Variants in KMT2A observed in about 807,000 individuals in gnomAD.
KMT2A encodes lysine methyltransferase 2A, also known as histone-lysine N-methyltransferase 2A.
KMT2A carries 16 observed loss-of-function variants against 345.3 expected under a neutral mutation model. The observed-to-expected ratio is 0.05, with a 90% CI of 0.03 to 0.07. The LOEUF (loss-of-function observed/expected upper bound fraction) is 0.07, where lower values mean the gene tolerates loss of function less well. KMT2A is among the 10% of genes least tolerant of loss of function. KMT2A has a pLI of 1.00. For synonymous variants in KMT2A, 1,599 were observed against 1,778.6 expected (o/e 0.90, Z 2.54); for missense variants, 3,272 against 4,841.6 (o/e 0.68, Z 9.62).
chr11:118,446,166 T>G (rs1288331248), intron 1 of KMT2A, among the ~76,000 whole-genome samples: 3 of 151,986 alleles, frequency 2.0e-5, no homozygotes, highest in Non-Finnish European at 4.4e-5. Flanking sequence ...CTGGCCAACA[T>G]GGTGGAACCC....
At chr11:118,454,932 A>G (rs1314590821) in intron 1 of KMT2A, among the ~76,000 whole-genome samples, 4 of 151,988 alleles carry the variant, frequency 2.6e-5, no homozygotes, top group African/African-American at 9.7e-5. Flanking sequence ...TCGGTAAACT[A>G]TTGCCTTAGA....
chr11:118,493,001 C>T lies in KMT2A; in HGVS notation c.5005-56C>T, dbSNP rs2134345326. Reference sequence around the variant, plus strand: ...TCTTTATTAATTTTAATAGAATTTACATGGACACCTTGGTTTTAGTGTTAG... The same window carrying T: ...TCTTTATTAATTTTAATAGAATTTATATGGACACCTTGGTTTTAGTGTTAG... On this transcript the variant is annotated intron_variant, in intron 15 of 35. Coordinates refer to ENST00000534358, the MANE Select transcript of KMT2A (RefSeq NM_001197104.2). The surrounding 1 kb of genome is among the most constrained non-coding windows in gnomAD (Gnocchi z 5.8). 7.3e-7 allele frequency: 1 copy of T among 1,366,166 alleles called. No individual in the cohort carries two copies. The highest frequency in any genetic ancestry group is 1.0e-6 in the Non-Finnish European group (1 of 972,754). The allele number at this position is 1,366,166 out of a possible 1,614,324, so 84.6% of individuals were successfully genotyped here.
chr11:118,482,302 C>T lies in KMT2A; in HGVS notation c.4013-120C>T, dbSNP rs181457789. 1,269 of 900,782 alleles carry T rather than the reference C, an allele frequency of 1.4e-3. 4 individuals carry two copies. Among genetic ancestry groups the T allele is most frequent in the Non-Finnish European group, 1.9e-3 (1,181 of 610,042 alleles). 55.8% of individuals were successfully genotyped at this position (900,782 alleles called of 1,614,324 possible). ...GGAGGTATTGTTTTAATTTCCTGTT[C>T]GAAGCCTAGAGTTTAAATAGTTTTT... On this transcript the variant is annotated intron_variant, in intron 7 of 35. Coordinates refer to ENST00000534358, the MANE Select transcript of KMT2A (RefSeq NM_001197104.2).
chr11:118,452,145 G>A (rs1279812844), intron 1 of KMT2A, among the ~76,000 whole-genome samples: 1 of 152,086 alleles, frequency 6.6e-6, no homozygotes. Context: ...GAGCTTAAGC[G>A]ATTCTACTCC....
chr11:118,509,894 C>A, intron 29 of KMT2A, 54 bp from the exon 30 acceptor site: 2 of 1,297,070 alleles, frequency 1.5e-6, no homozygotes, highest in South Asian at 2.7e-5. Flanking sequence ...TACATGTAGT[C>A]AGTGCTCAGT....
Position 118,491,444 on chromosome 11 carries a change from C to A in KMT2A, c.4819+126C>A. On this transcript the variant is annotated intron_variant, in intron 14 of 35. Transcript: ENST00000534358. The surrounding 1 kb of genome is among the most constrained non-coding windows in gnomAD (Gnocchi z 4.2). ...GAAATCTCTAAATTTATTTTTTAGT[C>A]TCTAGAATAAGCAGCATTGTATTAT... The A allele has an allele frequency of 1.1e-6, 1 of 930,636 alleles. No individual in the cohort carries two copies. The highest frequency in any genetic ancestry group is 1.6e-6 in the Non-Finnish European group (1 of 638,352). The allele number at this position is 930,636 out of a possible 1,614,324, so 57.6% of individuals were successfully genotyped here.
intron 6 of KMT2A, among the ~76,000 whole-genome samples, chr11:118,480,469 A>T (rs782087955): frequency 6.6e-6 from 1 of 152,162 alleles, no homozygotes; most frequent in Non-Finnish European, 1.5e-5. Flanking sequence ...TAAAAATCAT[A>T]GTTCATTATA....
intron 28 of KMT2A, among the ~76,000 whole-genome samples, chr11:118,508,398 T>G (rs1402691176): frequency 2.0e-5 from 3 of 152,018 alleles, no homozygotes; most frequent in African/African-American, 7.3e-5. Context: ...GAGTCCTCTA[T>G]TGATATACAT....
At chr11:118,500,505 A>G (rs1950483560) in intron 24 of KMT2A, among the ~76,000 whole-genome samples, 2 of 152,176 alleles carry the variant, frequency 1.3e-5, no homozygotes, top group African/African-American at 4.8e-5. Flanking sequence ...TTTAGCTGGC[A>G]GCTTTTCACA....
rs1949990470 is a variant in KMT2A at position 118,474,024 on chromosome 11, T to C, written c.2865T>C (p.Ala955=). ...ITSVTLGDTT[A]VKTKILIKKG... Reference sequence around the variant, plus strand: ...CTGTGACTCTTGGGGATACAACAGCTGTCAAAACCAAAATACTTATAAAGA... The same window carrying C: ...CTGTGACTCTTGGGGATACAACAGCCGTCAAAACCAAAATACTTATAAAGA... The change falls in exon 3 of 36, where the codon GCT becomes GCC. Residue 955 remains alanine, a synonymous_variant. Transcript: ENST00000534358. 3 of 1,613,754 alleles carry C rather than the reference T, an allele frequency of 1.9e-6. No individual in the cohort carries two copies. The East Asian group carries it at 6.7e-5, about 36-fold the overall frequency.
At position 118,520,324 on chromosome 11, in the gene KMT2A, G is replaced by C. The variant is rs1328487349; in HGVS notation, c.11429+260G>C. 2.1e-5 allele frequency: 10 copies of C among 468,310 alleles called. No homozygotes were observed. The highest frequency in any genetic ancestry group is 1.9e-4 in the Admixed American group (5 of 26,260). The allele number at this position is 468,310 out of a possible 1,614,324, so 29.0% of individuals were successfully genotyped here. A position where few individuals can be genotyped will look rare whatever the true frequency, so the allele number is the denominator to read the frequency against. ...TGTCAGCTTTGGTTGTACCACCATAGTTGTCATGGTCAGAAAGTACTATAT... is the reference window on the plus strand; with the variant it reads ...TGTCAGCTTTGGTTGTACCACCATACTTGTCATGGTCAGAAAGTACTATAT... On this transcript the variant is annotated intron_variant, in intron 33 of 35. Transcript: ENST00000534358. This position sits in a 1 kb window ranked among gnomAD's most constrained non-coding sequence, Gnocchi z 4.3.
chr11:118,502,570 T>C lies in KMT2A; in HGVS notation c.6678T>C (p.Asn2226=), dbSNP rs782177007. 3.1e-6 allele frequency: 5 copies of C among 1,614,178 alleles called. No homozygotes were observed. In the South Asian group the frequency reaches 4.4e-5, roughly 14 times the overall value. ...CTGGGAATACTTACTCTAGGAATAA[T>C]GTTTCCTCAGTCTCCACCACCGGGA... ...MRTGNTYSRN[N]VSSVSTTGTA... is the part of the protein sequence containing the mutation. Residue 2226 remains asparagine (N), a synonymous_variant, in exon 27 of 36, where the codon AAT becomes AAC. Coordinates refer to ENST00000534358, the MANE Select transcript of KMT2A (RefSeq NM_001197104.2). This position sits in a 1 kb window ranked among gnomAD's most constrained non-coding sequence, Gnocchi z 4.9.
At position 118,506,289 on chromosome 11, in the gene KMT2A, C is replaced by T. The variant is rs782673964; in HGVS notation, c.10397C>T (p.Thr3466Ile). 1 of 1,614,206 alleles carries T rather than the reference C, an allele frequency of 6.2e-7. No homozygotes were observed. Among genetic ancestry groups the T allele is most frequent in the Non-Finnish European group, 8.5e-7 (1 of 1,180,036 alleles). The change falls in exon 27 of 36, where the codon ACT (threonine) becomes ATT (isoleucine). Residue 3466 changes from threonine to isoleucine, a missense_variant. Coordinates refer to ENST00000534358, the MANE Select transcript of KMT2A (RefSeq NM_001197104.2). ...GTGAACCAGCTCCTTGCCAGCAAAA[C>T]TGGGATTCATTCTTCCCAGCGTGAT... ...QHVNQLLASK[T>I]GIHSSQRDLD...
rs150545040 is a variant in KMT2A, at chr11:118,446,218, G to A, written c.432+9274G>A. ...ACAATAATTAGCTACATGTCGTGGT[G>A]CACACCTGCAATCCCAGCTACTTGG... is the stretch of plus-strand genomic sequence containing the variant. On this transcript the variant is annotated intron_variant, in intron 1 of 35. Coordinates refer to ENST00000534358, the MANE Select transcript of KMT2A (RefSeq NM_001197104.2). Among the ~76,000 whole-genome samples, 9 of 152,054 alleles carry A rather than the reference G, an allele frequency of 5.9e-5. No homozygotes were observed. In the East Asian group the frequency reaches 1.6e-3, roughly 26 times the overall value.
intron 28 of KMT2A, 123 bp downstream of exon 28, chr11:118,507,732 A>C (rs1950610505): frequency 1.4e-6 from 1 of 709,532 alleles, no homozygotes; most frequent in Admixed American, 2.2e-5. Flanking sequence ...TGGGAGGCCG[A>C]GGCAGGTGGA....
chr11:118,493,246 G>T lies in KMT2A; in HGVS notation c.5178+16G>T, dbSNP rs782497834. The T allele has an allele frequency of 6.2e-7, 1 of 1,602,562 alleles. No homozygotes were observed. The highest frequency in any genetic ancestry group is 1.1e-5 in the South Asian group (1 of 89,018). On this transcript the variant is annotated intron_variant, in intron 16 of 35. Transcript: ENST00000534358. The surrounding 1 kb of genome is among the most constrained non-coding windows in gnomAD (Gnocchi z 5.8). ...CACATCTGTGGTATGTTTCTACAGT[G>T]AGCCATCAGAATTTCTAGTGCCAAT...
rs781945281 is a variant in KMT2A, at chr11:118,519,717, G to A, written c.11246G>A (p.Arg3749His). The A allele has an allele frequency of 1.5e-5, 24 of 1,613,964 alleles. No homozygotes were observed. The highest frequency in any genetic ancestry group is 1.6e-4 in the Middle Eastern group (1 of 6,082). Residue 3749 changes from arginine to histidine, a missense_variant, in exon 32 of 36, where the codon CGT (arginine) becomes CAT (histidine). Coordinates refer to ENST00000534358, the MANE Select transcript of KMT2A (RefSeq NM_001197104.2). ...AAGCACTGTCGAAATTACAAATTCC[G>A]TTTCCACAAGCCAGAGGAGGCCAAT... The part of the protein sequence containing the change: ...GAKHCRNYKF[R>H]FHKPEEANEP...
chr11:118,525,603 T>C lies in KMT2A; in HGVS notation c.*3431T>C, dbSNP rs1456214673. 1 of 199,530 alleles carries C rather than the reference T, an allele frequency of 5.0e-6. No homozygotes were observed. The highest frequency in any genetic ancestry group is 2.7e-5 in the African/African-American group (1 of 37,452). 12.4% of individuals were successfully genotyped at this position (199,530 alleles called of 1,614,324 possible). A position where few individuals can be genotyped will look rare whatever the true frequency, so the allele number is the denominator to read the frequency against. ...TGTAGCTCCCTTGATTTAAAAAAAA[T>C]AAAAAATAAAAAAAAAAGGAAAAAA... On this transcript the variant is annotated 3_prime_UTR_variant, in exon 36 of 36. Coordinates refer to ENST00000534358, the MANE Select transcript of KMT2A (RefSeq NM_001197104.2).
At chr11:118,458,240 C>A (rs1591360551) in intron 1 of KMT2A, 1 of 290,486 alleles carries the variant, frequency 3.4e-6, no homozygotes, top group South Asian at 2.7e-5. Flanking sequence ...CCCACCACAC[C>A]CAGTTAATTT....
Sources: allele counts gnomAD v4.1 joint callset (sites outside exome capture counted in the v4.1 genomes callset), GRCh38; gene constraint gnomAD v4.1.1; non-coding constraint Gnocchi (gnomAD v3.1); transcripts MANE v1.5; gene names NCBI Gene and HGNC (gene_info 2026-07-23, HGNC 2026-07-21).